The following CDH13 variants were observed in gnomAD, a reference collection of about 807,000 sequenced individuals.
CDH13 encodes the protein cadherin 13.
CDH13 carries 24 observed loss-of-function variants against 63.8 expected under a neutral mutation model. The ratio of observed to expected loss-of-function variants is 0.38; its 90% CI spans 0.27 to 0.53. CDH13 has a LOEUF of 0.53. Ranked by LOEUF, CDH13 falls within the 20% of genes least tolerant of loss-of-function variation. The pLI, the probability that CDH13 is intolerant of heterozygous loss-of-function variation, is 0.85. For synonymous variants in CDH13, 503 were observed against 355.3 expected (o/e 1.42, Z -4.67); for missense variants, 1,049 against 903.1 (o/e 1.16, Z -2.07).
At chr16:83,792,968 A>C (rs1402314865) in intron 13 of CDH13, among the ~76,000 whole-genome samples, 1 of 152,214 alleles carries the variant, frequency 6.6e-6, no homozygotes, top group Non-Finnish European at 1.5e-5. Context: ...AAACATCTGA[A>C]GTTCTTAGCA....
intron 6 of CDH13, among the ~76,000 whole-genome samples, chr16:83,419,086 A>G (rs2071637564): frequency 1.3e-5 from 2 of 152,120 alleles, no homozygotes; most frequent in Admixed American, 1.3e-4. Context: ...ATAGGGGCCA[A>G]AAGGGCAGCG....
At chr16:83,294,427 C>G (rs1209291145) in intron 5 of CDH13, among the ~76,000 whole-genome samples, 2 of 152,142 alleles carry the variant, frequency 1.3e-5, no homozygotes, top group African/African-American at 2.4e-5. Flanking sequence ...CTGGCAACCA[C>G]CATTCTACTC....
In CDH13 at chr16:82,667,442, A is replaced by T. The variant is rs533392487; in HGVS notation, c.45+40305A>T. ...GGATGTGGTGTGGGGAGATGAAATA[A>T]TTCCTCCACTCATTCCCATCTGCTA... On this transcript the variant is annotated intron_variant, in intron 1 of 13. Coordinates refer to ENST00000567109, the MANE Select transcript of CDH13 (RefSeq NM_001257.5). 7.1e-4 allele frequency among the ~76,000 whole-genome samples: 108 copies of T among 152,254 alleles called. 5 individuals carry two copies. In the South Asian group the frequency reaches 0.021, roughly 29 times the overall value.
At chr16:83,148,624 T>A (rs1002470581) in intron 4 of CDH13, among the ~76,000 whole-genome samples, 2 of 152,208 alleles carry the variant, frequency 1.3e-5, no homozygotes, top group Non-Finnish European at 2.9e-5. Flanking sequence ...TTGAGAGTAT[T>A]CCAGTACATG....
At chr16:82,817,019 A>G (rs1033215745) in intron 1 of CDH13, among the ~76,000 whole-genome samples, 4 of 152,206 alleles carry the variant, frequency 2.6e-5, no homozygotes, top group Non-Finnish European at 4.4e-5. Flanking sequence ...CCTTAGGAGG[A>G]GATATCTAAG....
At chr16:82,868,266 A>T (rs967344887) in intron 2 of CDH13, among the ~76,000 whole-genome samples, 5 of 152,186 alleles carry the variant, frequency 3.3e-5, no homozygotes, top group African/African-American at 9.6e-5. Context: ...ATTTACATTA[A>T]TAAGAGTTTT....
At chr16:83,534,253 G>A (rs929715204) in intron 7 of CDH13, among the ~76,000 whole-genome samples, 3 of 152,166 alleles carry the variant, frequency 2.0e-5, no homozygotes, top group Non-Finnish European at 2.9e-5. Context: ...GTTCATGGTG[G>A]TTCAGAGGCA....
intron 1 of CDH13, among the ~76,000 whole-genome samples, chr16:82,796,850 G>A (rs1462377186): frequency 6.6e-6 from 1 of 152,214 alleles, no homozygotes; most frequent in Non-Finnish European, 1.5e-5. Flanking sequence ...TAGGGCCACA[G>A]TGTATTTCAG....
At chr16:83,136,313 C>G (rs931544386) in intron 4 of CDH13, among the ~76,000 whole-genome samples, 2 of 151,762 alleles carry the variant, frequency 1.3e-5, no homozygotes, top group African/African-American at 2.4e-5. Flanking sequence ...GAAACCCTGT[C>G]TCTACTAAAA....
chr16:83,770,293 C>G (rs1183580642), intron 11 of CDH13, among the ~76,000 whole-genome samples: 1 of 152,228 alleles, frequency 6.6e-6, no homozygotes, highest in Non-Finnish European at 1.5e-5. Context: ...AATACTCAAA[C>G]TTCGAGCTCT....
chr16:83,644,006 A>G (rs1014145792), intron 8 of CDH13, among the ~76,000 whole-genome samples: 1 of 152,212 alleles, frequency 6.6e-6, no homozygotes, highest in South Asian at 2.1e-4. Context: ...GATCTTTAAC[A>G]TAAGCTGTAA....
At chr16:82,964,253 G>A (rs190533149) in intron 2 of CDH13, among the ~76,000 whole-genome samples, 1 of 152,316 alleles carries the variant, frequency 6.6e-6, no homozygotes, top group Non-Finnish European at 1.5e-5. Flanking sequence ...CCCCTGTAAA[G>A]CATTTTACTC....
intron 6 of CDH13, among the ~76,000 whole-genome samples, chr16:83,371,673 T>C (rs1313357242): frequency 6.6e-6 from 1 of 152,218 alleles, no homozygotes; most frequent in Admixed American, 6.5e-5. Flanking sequence ...GAAAGTAGAT[T>C]AATAGTGGTA....
At chr16:82,682,746 G>A (rs1395874536) in intron 1 of CDH13, among the ~76,000 whole-genome samples, 1 of 152,170 alleles carries the variant, frequency 6.6e-6, no homozygotes, top group Non-Finnish European at 1.5e-5. Context: ...ATTAGGAAAC[G>A]GATGTGCTTG....
chr16:83,450,650 C>T (rs2072861880), intron 6 of CDH13, among the ~76,000 whole-genome samples: 1 of 152,178 alleles, frequency 6.6e-6, no homozygotes, highest in Admixed American at 6.5e-5. Context: ...GCAGGCAGAT[C>T]ACGAGGTCAG....
At chr16:83,646,512 C>A (rs1336145496) in intron 8 of CDH13, among the ~76,000 whole-genome samples, 1 of 151,694 alleles carries the variant, frequency 6.6e-6, no homozygotes, top group Non-Finnish European at 1.5e-5. Flanking sequence ...ACCAGTCTGG[C>A]CAAAATGGTG....
At chr16:83,491,444 C>T (rs552106092) in intron 7 of CDH13, among the ~76,000 whole-genome samples, 54 of 152,234 alleles carry the variant, frequency 3.5e-4, no homozygotes, top group African/African-American at 1.1e-3. Flanking sequence ...AGGTCTCTAA[C>T]GTTTGATAAA....
rs1372330253 is a variant in CDH13 at position 82,682,907 on chromosome 16, C to T, written c.45+55770C>T. Among the ~76,000 whole-genome samples, 5 of 152,154 alleles carry T rather than the reference C, an allele frequency of 3.3e-5. No homozygotes were observed. In the East Asian group the frequency reaches 9.6e-4, roughly 29 times the overall value. ...AATTAAGGGAGCAGAAAACACACAG[C>T]CATTGCCCACAGTTCAGGCTGGTCC... On this transcript the variant is annotated intron_variant, in intron 1 of 13. Transcript: ENST00000567109.
intron 6 of CDH13, among the ~76,000 whole-genome samples, chr16:83,384,979 C>T (rs906053408): frequency 1.3e-5 from 2 of 152,184 alleles, no homozygotes; most frequent in Non-Finnish European, 2.9e-5. Context: ...CTCAAATAAG[C>T]TCTCCTGGCC....
Sources: allele counts gnomAD v4.1 joint callset (sites outside exome capture counted in the v4.1 genomes callset), GRCh38; gene constraint gnomAD v4.1.1; transcripts MANE v1.5; gene names NCBI Gene and HGNC (gene_info 2026-07-23, HGNC 2026-07-21).